GABRA2: variants seen among roughly 807,000 people sequenced by gnomAD.
The protein encoded by GABRA2 is gamma-aminobutyric acid receptor subunit alpha-2.
In GABRA2, 16 loss-of-function variants were observed where a neutral mutation model predicts 48.7. The observed-to-expected ratio is 0.33, with a 90% confidence interval of 0.22 to 0.50. The LOEUF (loss-of-function observed/expected upper bound fraction) is 0.50. GABRA2 is among the 20% of genes least tolerant of loss of function. GABRA2 has a pLI of 0.98. For synonymous variants in GABRA2, 185 were observed against 184.5 expected, an observed-to-expected ratio of 1.00 and a Z score of -0.02; for missense variants, 275 against 535.6, an observed-to-expected ratio of 0.51 and a Z score of 4.80.
intron 3 of GABRA2, among the ~76,000 whole-genome samples, chr4:46,377,670 C>A (rs1716025407): frequency 6.8e-6 from 1 of 147,592 alleles, no homozygotes; most frequent in African/African-American, 2.5e-5. Flanking sequence ...TGCCCGGCCG[C>A]CCCTACTGGG....
At position 46,249,588 on chromosome 4, in the gene GABRA2, T is replaced by G. The variant is rs1033178185; in HGVS notation, c.*720A>C. 6.6e-6 allele frequency: 1 copy of G among 151,388 alleles called. No homozygotes were observed. The highest frequency in any genetic ancestry group is 1.5e-5 in the Non-Finnish European group (1 of 67,648). 9.4% of individuals were successfully genotyped at this position (151,388 alleles called of 1,614,324 possible). On this transcript the variant is annotated 3_prime_UTR_variant, in exon 10 of 10. Transcript: ENST00000381620. ...TTTTAATTAAGGTAGTTTCCAATGATTAAAATAAATTGTAGGATTTCAATT... is the reference window on the plus strand; with the variant it reads ...TTTTAATTAAGGTAGTTTCCAATGAGTAAAATAAATTGTAGGATTTCAATT...
intron 4 of GABRA2, among the ~76,000 whole-genome samples, chr4:46,322,989 T>A (rs1729715134): frequency 6.6e-6 from 1 of 151,690 alleles, no homozygotes; most frequent in Non-Finnish European, 1.5e-5. Flanking sequence ...TAAATAGTTA[T>A]ATTTTATAAA....
chr4:46,314,803 G>A (rs1480046662), intron 4 of GABRA2, among the ~76,000 whole-genome samples: 3 of 152,110 alleles, frequency 2.0e-5, no homozygotes, highest in East Asian at 3.9e-4. Flanking sequence ...CCATGTTGCT[G>A]CAGAGCGCAA....
intron 9 of GABRA2, among the ~76,000 whole-genome samples, chr4:46,250,899 T>A (rs180878750): frequency 6.6e-6 from 1 of 151,584 alleles, no homozygotes; most frequent in African/African-American, 2.4e-5. Flanking sequence ...TAACTTTTCT[T>A]TTCTCATGAG....
intron 3 of GABRA2, among the ~76,000 whole-genome samples, chr4:46,362,742 C>T (rs1180751686): frequency 6.6e-6 from 1 of 152,154 alleles, no homozygotes; most frequent in Admixed American, 6.6e-5. Flanking sequence ...CATATGGTTG[C>T]TGGTCATTAA....
In GABRA2 at chr4:46,247,011, A is replaced by T. The variant is rs1018944695; in HGVS notation, c.*3297T>A. 4.0e-5 allele frequency among the ~76,000 whole-genome samples: 6 copies of T among 151,310 alleles called. No homozygotes were observed. The East Asian group carries it at 1.2e-3, about 30-fold the overall frequency. ...AAAGAGCCACATAAATGCAAATTAT[A>T]CTTACCAAATAATGAGAGTAAAATA... On this transcript the variant is annotated 3_prime_UTR_variant, in exon 10 of 10. Transcript: ENST00000381620.
At chr4:46,306,448 T>C (rs925669229) in intron 6 of GABRA2, among the ~76,000 whole-genome samples, 2 of 152,168 alleles carry the variant, frequency 1.3e-5, no homozygotes, top group African/African-American at 4.8e-5. Flanking sequence ...ACTTCAGAGA[T>C]GGCATGCAGG....
At chr4:46,302,335 C>T (rs559760598) in intron 8 of GABRA2, among the ~76,000 whole-genome samples, 2 of 152,224 alleles carry the variant, frequency 1.3e-5, no homozygotes, top group Non-Finnish European at 2.9e-5. Context: ...GCTAGGACTA[C>T]AGGCATGAGG....
In GABRA2 at chr4:46,388,934, T is replaced by TTTTC. The variant is rs1175818301; in HGVS notation, c.-10-222_-10-219dup. 11 of 1,314,750 alleles carry TTTTC rather than the reference T, an allele frequency of 8.4e-6. No individual in the cohort carries two copies. In the East Asian group the frequency reaches 1.2e-4, roughly 14 times the overall value. 81.4% of individuals were successfully genotyped at this position (1,314,750 alleles called of 1,614,324 possible). On this transcript the variant is annotated intron_variant, in intron 1 of 9. Coordinates refer to ENST00000381620, the MANE Select transcript of GABRA2 (RefSeq NM_000807.4). ...TTCCTTTCTGTTTCTTTCTTTCTTT[T>TTTTC]TTTCTTTCTTTCTTTCTTTAACAGC...
chr4:46,368,699 G>A (rs1714431862), intron 3 of GABRA2: 1 of 351,076 alleles, frequency 2.8e-6, no homozygotes, highest in South Asian at 1.1e-4. Flanking sequence ...ATTTTGTTTA[G>A]TTTGATTTAA....
At position 46,246,199 on chromosome 4, in the gene GABRA2, G is replaced by A. The variant is rs1713689152; in HGVS notation, c.*4109C>T. Among the ~76,000 whole-genome samples the A allele has an allele frequency of 6.7e-6, 1 of 150,362 alleles. No individual in the cohort carries two copies. The highest frequency in any genetic ancestry group is 2.4e-5 in the African/African-American group (1 of 41,100). Reference sequence around the variant, plus strand: ...TTAAAAAGGGAAAAATGCTTCACTTGGTTTAATTAACAACAGTCTCCTGTT... The same window carrying A: ...TTAAAAAGGGAAAAATGCTTCACTTAGTTTAATTAACAACAGTCTCCTGTT... On this transcript the variant is annotated 3_prime_UTR_variant, in exon 10 of 10. Transcript: ENST00000381620.
intron 9 of GABRA2, chr4:46,256,194 C>T (rs915912746): frequency 3.1e-6 from 2 of 655,052 alleles, no homozygotes; most frequent in African/African-American, 1.8e-5. Context: ...GTGATACTTA[C>T]AGAAGATTGT....
intron 3 of GABRA2, among the ~76,000 whole-genome samples, chr4:46,370,584 C>A (rs1714736074): frequency 6.6e-6 from 1 of 152,078 alleles, no homozygotes; most frequent in South Asian, 2.1e-4. Context: ...TAATTTGATG[C>A]ATTCATTACT....
At chr4:46,377,533 G>A (rs1267121516) in intron 3 of GABRA2, among the ~76,000 whole-genome samples, 8 of 151,136 alleles carry the variant, frequency 5.3e-5, no homozygotes, top group South Asian at 4.2e-4. Context: ...GAGCCCCTCC[G>A]CCCAGCAGCC....
At chr4:46,282,180 T>C (rs959752394) in intron 8 of GABRA2, among the ~76,000 whole-genome samples, 1 of 152,176 alleles carries the variant, frequency 6.6e-6, no homozygotes, top group Non-Finnish European at 1.5e-5. Flanking sequence ...GACAACCTCT[T>C]ATTCTCCTTT....
At chr4:46,372,704 A>G (rs1715084301) in intron 3 of GABRA2, among the ~76,000 whole-genome samples, 1 of 152,174 alleles carries the variant, frequency 6.6e-6, no homozygotes, top group South Asian at 2.1e-4. Flanking sequence ...TTTTATTCCA[A>G]TGCTAAAGAG....
At position 46,282,694 on chromosome 4, in the gene GABRA2, T is replaced by C. The variant is rs139216983; in HGVS notation, c.857-20566A>G. The stretch of plus-strand genomic sequence containing the variant: ...GGCCATTTTGCAAAATGATTATTGT[T>C]ATTCACACTAAAGATCAGACCATCC... On this transcript the variant is annotated intron_variant, in intron 8 of 9. Coordinates refer to ENST00000381620, the MANE Select transcript of GABRA2 (RefSeq NM_000807.4). Among the ~76,000 whole-genome samples the C allele has an allele frequency of 5.6e-3, 858 of 152,314 alleles. 5 individuals are homozygous for C. Among genetic ancestry groups the C allele is most frequent in the African/African-American group, 0.019 (809 of 41,568 alleles).
At chr4:46,300,032 T>C (rs1725467503) in intron 8 of GABRA2, among the ~76,000 whole-genome samples, 1 of 151,998 alleles carries the variant, frequency 6.6e-6, no homozygotes, top group Admixed American at 6.6e-5. Flanking sequence ...GTTCAAATTT[T>C]CATGTTAATA....
chr4:46,295,932 C>T (rs1724556882), intron 8 of GABRA2, among the ~76,000 whole-genome samples: 1 of 152,170 alleles, frequency 6.6e-6, no homozygotes, highest in Non-Finnish European at 1.5e-5. Context: ...AGCATTGTCT[C>T]TCACCAAAGC....
Sources: gnomAD v4.1 joint callset for allele counts (sites outside exome capture counted in the v4.1 genomes callset) on GRCh38, gnomAD v4.1.1 for gene constraint, MANE v1.5 for transcripts, NCBI Gene and HGNC (gene_info 2026-07-23, HGNC 2026-07-21) for gene names.